Variants in NEK11 observed in about 807,000 individuals in gnomAD.
The protein encoded by NEK11 is serine/threonine-protein kinase Nek11.
In NEK11, 72 loss-of-function variants were observed where a neutral mutation model predicts 80.7. The observed-to-expected ratio is 0.89, with a 90% CI of 0.74 to 1.08. NEK11 has a LOEUF of 1.08. Ranked by LOEUF, NEK11 falls within the 50% of genes least tolerant of loss-of-function variation. The probability of loss-of-function intolerance (pLI) is 0.00; values close to 1 mark genes in which losing one functional copy is unlikely to be tolerated. For missense variants in NEK11, 764 were observed against 763.6 expected (o/e 1.00, Z -0.01); for synonymous variants, 251 against 260.7 (o/e 0.96, Z 0.36).
At chr3:131,075,427 G>A (rs2074183932) in intron 3 of NEK11, among the ~76,000 whole-genome samples, 1 of 151,956 alleles carries the variant, frequency 6.6e-6, no homozygotes, top group East Asian at 1.9e-4. Context: ...TCCCCTACCA[G>A]CTATTCCTTT....
At chr3:131,336,691 A>C (rs75346876) in intron 17 of NEK11, among the ~76,000 whole-genome samples, 62,355 of 152,122 alleles carry the variant, frequency 0.41, 15,791 homozygotes, top group Non-Finnish European at 0.54. Flanking sequence ...AACCTACAAA[A>C]TAGGAGAAAA....
chr3:131,322,160 T>TA (rs1202692278), intron 17 of NEK11, among the ~76,000 whole-genome samples: 1 of 152,114 alleles, frequency 6.6e-6, no homozygotes, highest in Non-Finnish European at 1.5e-5. Flanking sequence ...GCTGCAGCCA[T>TA]AAAAAAGAAT....
chr3:131,216,348 A>G (rs1351631140), intron 14 of NEK11, among the ~76,000 whole-genome samples: 1 of 152,234 alleles, frequency 6.6e-6, no homozygotes, highest in Non-Finnish European at 1.5e-5. Flanking sequence ...TGCAAATGAT[A>G]AAAGGTCTTG....
chr3:131,349,648 A>G lies in NEK11; in HGVS notation c.1810A>G (p.Ile604Val). Residue 604 changes from isoleucine to valine, a missense_variant, in exon 18 of 18, where the codon ATC becomes GTC. Transcript: ENST00000383366. ...GCATCAGAATGCTAGCGAAGCAGAG[A>G]TCCGCGAGTGTTTGGAAAAAGTGGT... is the stretch of plus-strand genomic sequence containing the variant. The part of the protein sequence containing the change: ...ARHQNASEAE[I>V]RECLEKVVPQ... 6.2e-7 allele frequency: 1 copy of G among 1,614,182 alleles called. No homozygotes were observed. The highest frequency in any genetic ancestry group is 8.5e-7 in the Non-Finnish European group (1 of 1,180,016).
chr3:131,330,258 T>G (rs1010808278), intron 17 of NEK11: 2 of 152,140 alleles, frequency 1.3e-5, no homozygotes, highest in Non-Finnish European at 2.9e-5. Flanking sequence ...TGAATAGTAT[T>G]AAGATATTTT....
At chr3:131,178,866 A>G (rs1195499673) in intron 14 of NEK11, among the ~76,000 whole-genome samples, 2 of 152,162 alleles carry the variant, frequency 1.3e-5, no homozygotes, top group African/African-American at 2.4e-5. Flanking sequence ...TTTAATTATT[A>G]TCTTATGGGA....
intron 16 of NEK11, among the ~76,000 whole-genome samples, chr3:131,268,653 A>G (rs2096113744): frequency 6.6e-6 from 1 of 152,332 alleles, no homozygotes; most frequent in Admixed American, 6.5e-5. Context: ...GCTTCATCCC[A>G]GAAGGGCACC....
intron 7 of NEK11, among the ~76,000 whole-genome samples, chr3:131,148,276 T>C (rs2088812223): frequency 6.6e-6 from 1 of 152,006 alleles, no homozygotes; most frequent in Admixed American, 6.6e-5. Flanking sequence ...CTAATATGTG[T>C]GTGTAAATTT....
At chr3:131,170,703 T>C (rs1311411069) in intron 13 of NEK11, 70 bp from the exon 14 acceptor site, 1 of 946,854 alleles carries the variant, frequency 1.1e-6, no homozygotes, top group African/African-American at 1.6e-5. Context: ...AATAAGAATA[T>C]TTTTTTCATT....
At chr3:131,264,369 C>T (rs902375367) in intron 16 of NEK11, among the ~76,000 whole-genome samples, 2 of 152,166 alleles carry the variant, frequency 1.3e-5, no homozygotes, top group African/African-American at 4.8e-5. Flanking sequence ...GTCTTTAACC[C>T]ATCTTGAATT....
chr3:131,162,361 A>G (rs1218305980), intron 10 of NEK11, 47 bp from the exon 11 acceptor site: 1 of 1,584,852 alleles, frequency 6.3e-7, no homozygotes, highest in South Asian at 1.2e-5. Flanking sequence ...AATTTTTCTG[A>G]ACATGTTTGG....
chr3:131,187,028 T>C (rs952031128), intron 14 of NEK11, among the ~76,000 whole-genome samples: 6 of 152,198 alleles, frequency 3.9e-5, no homozygotes, highest in Non-Finnish European at 7.3e-5. Context: ...AGGCCTTTTT[T>C]TCATAGCATA....
chr3:131,276,418 G>A (rs1163355983), intron 17 of NEK11, among the ~76,000 whole-genome samples: 1 of 152,146 alleles, frequency 6.6e-6, no homozygotes, highest in Non-Finnish European at 1.5e-5. Context: ...TGGCCCTGCA[G>A]AACTGTGCTG....
intron 7 of NEK11, among the ~76,000 whole-genome samples, chr3:131,137,193 G>A (rs1277323676): frequency 1.3e-5 from 2 of 152,100 alleles, no homozygotes; most frequent in African/African-American, 4.8e-5. Flanking sequence ...CCCAACATTG[G>A]ACTCAGGCTT....
At chr3:131,085,195 G>T (rs2075811455) in intron 4 of NEK11, among the ~76,000 whole-genome samples, 1 of 152,168 alleles carries the variant, frequency 6.6e-6, no homozygotes, top group Non-Finnish European at 1.5e-5. Flanking sequence ...AAATATGCTG[G>T]CTAACCTGAG....
intron 7 of NEK11, among the ~76,000 whole-genome samples, chr3:131,136,482 A>G (rs2085584772): frequency 1.3e-5 from 2 of 152,266 alleles, no homozygotes; most frequent in Admixed American, 1.3e-4. Context: ...TGAATAATTG[A>G]CAGGTGTTTT....
intron 17 of NEK11, among the ~76,000 whole-genome samples, chr3:131,304,293 A>G (rs2109262397): frequency 6.6e-6 from 1 of 152,274 alleles, no homozygotes; most frequent in South Asian, 2.1e-4. Context: ...GCCATTTCAT[A>G]TTTCAGTTCC....
intron 4 of NEK11, among the ~76,000 whole-genome samples, chr3:131,103,914 A>G (rs1396021516): frequency 6.6e-6 from 1 of 152,184 alleles, no homozygotes; most frequent in Non-Finnish European, 1.5e-5. Context: ...TGGGGGCAGC[A>G]GAGGTGGGGC....
At chr3:131,172,950 G>A (rs1397321361) in intron 14 of NEK11, among the ~76,000 whole-genome samples, 1 of 152,188 alleles carries the variant, frequency 6.6e-6, no homozygotes, top group Non-Finnish European at 1.5e-5. Flanking sequence ...GCATTAGCAT[G>A]CTAAAAGACA....
Sources: allele counts gnomAD v4.1 joint callset (sites outside exome capture counted in the v4.1 genomes callset), GRCh38; gene constraint gnomAD v4.1.1; transcripts MANE v1.5; gene names NCBI Gene and HGNC (gene_info 2026-07-23, HGNC 2026-07-21).